Variants in ABCF1 observed in about 807,000 individuals in gnomAD.
The protein encoded by ABCF1 is ATP-binding cassette sub-family F member 1.
ABCF1 carries 73 observed loss-of-function variants against 126.3 expected under a neutral mutation model. That is an observed-to-expected ratio of 0.58 (90% CI 0.48 to 0.70). The LOEUF is 0.70. Among genes scored for constraint, ABCF1 ranks in the 30% least tolerant of loss-of-function variants. ABCF1 has a pLI of 0.00. For missense variants in ABCF1, 786 were observed against 1,057.5 expected, an observed-to-expected ratio of 0.74 and a Z score of 3.56; for synonymous variants, 345 against 396.4, an observed-to-expected ratio of 0.87 and a Z score of 1.54.
chr6:30,587,954 G>A (rs1802240438), intron 20 of ABCF1, among the ~76,000 whole-genome samples: 1 of 151,736 alleles, frequency 6.6e-6, no homozygotes, highest in Non-Finnish European at 1.5e-5. Flanking sequence ...CCAGCCTGGA[G>A]TGCAGTGGTG....
chr6:30,586,510 T>G lies in ABCF1; in HGVS notation c.1922T>G (p.Phe641Cys). The change falls in exon 19 of 25, where the codon TTT (phenylalanine) becomes TGT (cysteine). Residue 641 changes from phenylalanine (F) to cysteine (C), a missense_variant. Phe to Cys is a radical substitution (Grantham distance 205). Coordinates refer to ENST00000326195, the MANE Select transcript of ABCF1 (RefSeq NM_001025091.2). This position sits in a 1 kb window ranked among gnomAD's most constrained non-coding sequence, Gnocchi z 4.9. ...TFGYQGQKPLFKNLDFGIDMD... is the reference protein window; with the variant it reads ...TFGYQGQKPLCKNLDFGIDMD... ...GGCTACCAGGGACAGAAACCACTCT[T>G]TAAGAACTTGGATTTTGGCATCGAC... is the stretch of plus-strand genomic sequence containing the variant. 6.2e-7 allele frequency: 1 copy of G among 1,613,406 alleles called. No homozygotes were observed.
In ABCF1 at chr6:30,584,478, C is replaced by A; in HGVS notation, c.1303C>A (p.Leu435Met). The A allele has an allele frequency of 6.2e-7, 1 of 1,613,080 alleles. No individual in the cohort carries two copies. Residue 435 changes from leucine (L) to methionine (M), a missense_variant, in exon 14 of 25, where the codon CTG becomes ATG. By Grantham distance (15) the Leu-to-Met change is conservative. Transcript: ENST00000326195. This position sits in a 1 kb window ranked among gnomAD's most constrained non-coding sequence, Gnocchi z 4.6. ...TGCAGAGGCCAAAGCACGGCGGATCCTGGCTGGCCTGGGCTTTGACCCTGA... is the reference window on the plus strand; with the variant it reads ...TGCAGAGGCCAAAGCACGGCGGATCATGGCTGGCCTGGGCTTTGACCCTGA... ...AAAEAKARRILAGLGFDPEMQ... is the reference protein window; with the variant it reads ...AAAEAKARRIMAGLGFDPEMQ...
Position 30,584,514 on chromosome 6 carries a change from C to G in ABCF1, c.1339C>G (p.Arg447Gly). Residue 447 changes from arginine (R) to glycine (G), a missense_variant, in exon 14 of 25, where the codon CGA becomes GGA. Arg to Gly is a moderately radical substitution (Grantham distance 125, BLOSUM62 -2). Around this residue, in one of 4 missense-constraint regions of ABCF1, gnomAD observed 163 missense variants for 255.3 expected, o/e 0.64. Coordinates refer to ENST00000326195, the MANE Select transcript of ABCF1 (RefSeq NM_001025091.2). This position sits in a 1 kb window ranked among gnomAD's most constrained non-coding sequence, Gnocchi z 4.6. Reference protein sequence around the residue: ...GLGFDPEMQNRPTQKFSGGWR... With the variant: ...GLGFDPEMQNGPTQKFSGGWR... Reference sequence around the variant, plus strand: ...GGGCTTTGACCCTGAAATGCAGAATCGACCCACACAGAAGTTCTCAGGGGG... The same window carrying G: ...GGGCTTTGACCCTGAAATGCAGAATGGACCCACACAGAAGTTCTCAGGGGG... The G allele has an allele frequency of 6.2e-7, 1 of 1,612,780 alleles. No homozygotes were observed.
Position 30,578,132 on chromosome 6 carries a change from T to A in ABCF1, c.273T>A (p.Asp91Glu), listed in dbSNP as rs1415367005. The part of the protein sequence containing the change: ...KGRRKKDVDD[D>E]GEEKELMERL... Reference sequence around the variant, plus strand: ...GGCGGAAGAAGGATGTGGATGATGATGGAGAAGAGAAAGAGCTCATGGAGC... The same window carrying A: ...GGCGGAAGAAGGATGTGGATGATGAAGGAGAAGAGAAAGAGCTCATGGAGC... The change falls in exon 4 of 25, where the codon GAT (aspartate) becomes GAA (glutamate). Residue 91 changes from aspartate to glutamate, a missense_variant. Around this residue, in one of 4 missense-constraint regions of ABCF1, gnomAD observed 322 missense variants for 322.9 expected, o/e 1.00. Coordinates refer to ENST00000326195, the MANE Select transcript of ABCF1 (RefSeq NM_001025091.2). The A allele has an allele frequency of 5.0e-6, 8 of 1,613,492 alleles. No individual in the cohort carries two copies. In the Admixed American group the frequency reaches 1.0e-4, roughly 20 times the overall value.
Position 30,571,536 on chromosome 6 carries a change from G to A in ABCF1, c.49G>A (p.Asp17Asn), listed in dbSNP as rs919986137. ...QQPPEPEWIG[D>N]GESTSPSDKV... Reference sequence around the variant, plus strand: ...GCCGCCGGAGCCCGAGTGGATCGGGGACGGAGAGAGCACGAGCCCATCAGG... The same window carrying A: ...GCCGCCGGAGCCCGAGTGGATCGGGAACGGAGAGAGCACGAGCCCATCAGG... Residue 17 changes from aspartate (D) to asparagine (N), a missense_variant, in exon 1 of 25, where the codon GAC (aspartate) becomes AAC (asparagine). By Grantham distance (23) the Asp-to-Asn change is conservative. Transcript: ENST00000326195. 3.1e-6 allele frequency: 5 copies of A among 1,610,764 alleles called. No individual in the cohort carries two copies. Among genetic ancestry groups the A allele is most frequent in the Non-Finnish European group, 4.2e-6 (5 of 1,179,618 alleles).
intron 8 of ABCF1, 81 bp from the exon 9 acceptor site, chr6:30,582,313 C>T (rs1801860884): frequency 1.2e-6 from 1 of 841,014 alleles, no homozygotes; most frequent in Non-Finnish European, 1.9e-6. Flanking sequence ...GCTTTGGCTT[C>T]CCAAAGTGCT....
chr6:30,585,651 C>T lies in ABCF1; in HGVS notation c.1569C>T (p.Ala523=), dbSNP rs1336467621. 3 of 1,613,000 alleles carry T rather than the reference C, an allele frequency of 1.9e-6. No homozygotes were observed. The highest frequency in any genetic ancestry group is 2.5e-6 in the Non-Finnish European group (3 of 1,180,012). Residue 523 remains alanine (A), a synonymous_variant, in exon 16 of 25, where the codon GCC becomes GCT. Transcript: ENST00000326195. ...GCACTGATATCATCCACCTCGATGC[C>T]CAGCGGCTCCACTACTATAGGGGCA... The part of the protein sequence containing the change: ...DVCTDIIHLD[A]QRLHYYRGNY...
Position 30,585,243 on chromosome 6 carries a change from T to G in ABCF1, c.1392-17T>G. The G allele has an allele frequency of 6.2e-7, 1 of 1,610,756 alleles. No homozygotes were observed. The highest frequency in any genetic ancestry group is 8.5e-7 in the Non-Finnish European group (1 of 1,177,702). On this transcript the variant is annotated splice_polypyrimidine_tract_variant and intron_variant, in intron 14 of 24. Coordinates refer to ENST00000326195, the MANE Select transcript of ABCF1 (RefSeq NM_001025091.2). ...TCTTTCTCTCCCTGACCCTGCCCTCTGCTACCCACCCTCTAGGGCACTGTT... is the reference window on the plus strand; with the variant it reads ...TCTTTCTCTCCCTGACCCTGCCCTCGGCTACCCACCCTCTAGGGCACTGTT...
At position 30,584,591 on chromosome 6, in the gene ABCF1, CCCTT is replaced by C; in HGVS notation, c.1391+28_1391+31del. 6.4e-7 allele frequency: 1 copy of C among 1,565,000 alleles called. No individual in the cohort carries two copies. The highest frequency in any genetic ancestry group is 8.6e-7 in the Non-Finnish European group (1 of 1,157,764). On this transcript the variant is annotated intron_variant, in intron 14 of 24. Coordinates refer to ENST00000326195, the MANE Select transcript of ABCF1 (RefSeq NM_001025091.2). This position sits in a 1 kb window ranked among gnomAD's most constrained non-coding sequence, Gnocchi z 4.6. ...GGTGGGCCATTCACCTCACTGCCCT[CCCTT>C]CCAGCCTCAGACCACCGGGGCCCTT...
rs1378491100 is a variant in ABCF1, at chr6:30,585,453, A to G, written c.1476-105A>G. 3.2e-6 allele frequency: 5 copies of G among 1,581,638 alleles called. No homozygotes were observed. The East Asian group carries it at 9.0e-5, about 28-fold the overall frequency. Reference sequence around the variant, plus strand: ...CCACTGTGCCTGTGAGTGGAGCTCTATTCAGACCCCCCTTTCCCTCCCAGC... The same window carrying G: ...CCACTGTGCCTGTGAGTGGAGCTCTGTTCAGACCCCCCTTTCCCTCCCAGC... On this transcript the variant is annotated intron_variant, in intron 15 of 24. Transcript: ENST00000326195.
chr6:30,589,531 A>C, intron 20 of ABCF1, 157 bp from the exon 21 acceptor site: 1 of 774,814 alleles, frequency 1.3e-6, no homozygotes, highest in Non-Finnish European at 2.0e-6. Flanking sequence ...TGAACCCGGA[A>C]GGTGGAGGTT....
In ABCF1 at chr6:30,585,982, C is replaced by T; in HGVS notation, c.1704C>T (p.Thr568=). 6.2e-7 allele frequency: 1 copy of T among 1,609,330 alleles called. No homozygotes were observed. The highest frequency in any genetic ancestry group is 8.5e-7 in the Non-Finnish European group (1 of 1,177,534). ...LKELKAGGKS[T]KQAEKQTKEA... ...AGCTGAAGGCAGGCGGGAAGTCCAC[C>T]AAGCAGGCGGTGAGCACCTGAGGGA... is the stretch of plus-strand genomic sequence containing the variant. Residue 568 remains threonine, a synonymous_variant, in exon 17 of 25, where the codon ACC becomes ACT. Transcript: ENST00000326195.
chr6:30,583,023 T>C lies in ABCF1; in HGVS notation c.793-43T>C. On this transcript the variant is annotated intron_variant, in intron 9 of 24. Transcript: ENST00000326195. The surrounding 1 kb of genome is among the most constrained non-coding windows in gnomAD (Gnocchi z 4.1). The stretch of plus-strand genomic sequence containing the variant: ...GGGCTGTTTCATGGTGATGGGAAAC[T>C]GGTAGACTGTGGCTTCAAATGTAGT... 2 of 1,586,904 alleles carry C rather than the reference T, an allele frequency of 1.3e-6. No individual in the cohort carries two copies. The highest frequency in any genetic ancestry group is 1.7e-6 in the Non-Finnish European group (2 of 1,160,404).
In ABCF1 at chr6:30,590,220, G is replaced by A. The variant is rs1362910500; in HGVS notation, c.2298+7G>A. ...ACCTGATGTCCTCATCTTGGTGAGT[G>A]AGCTGGGCTGTGGGAAAAGGGATAA... On this transcript the variant is annotated splice_region_variant and intron_variant, in intron 23 of 24. Transcript: ENST00000326195. 1 of 1,612,942 alleles carries A rather than the reference G, an allele frequency of 6.2e-7. No homozygotes were observed. The highest frequency in any genetic ancestry group is 8.5e-7 in the Non-Finnish European group (1 of 1,180,016).
Position 30,583,012 on chromosome 6 carries a change from T to A in ABCF1, c.793-54T>A. The stretch of plus-strand genomic sequence containing the variant: ...CCAGCCAGCATGGGCTGTTTCATGG[T>A]GATGGGAAACTGGTAGACTGTGGCT... On this transcript the variant is annotated intron_variant, in intron 9 of 24. Coordinates refer to ENST00000326195, the MANE Select transcript of ABCF1 (RefSeq NM_001025091.2). The surrounding 1 kb of genome is among the most constrained non-coding windows in gnomAD (Gnocchi z 4.1). 1 of 1,575,844 alleles carries A rather than the reference T, an allele frequency of 6.3e-7. No homozygotes were observed. The highest frequency in any genetic ancestry group is 8.7e-7 in the Non-Finnish European group (1 of 1,153,974).
rs1801873332 is a variant in ABCF1, at chr6:30,582,450, G to A, written c.735G>A (p.Lys245=). ...AGGAGGAGGAAGGAGGAGAGTCTAA[G>A]GCAGATGATCCCTATGCTCATCTTA... is the stretch of plus-strand genomic sequence containing the variant. ...EEEEEEGGES[K]ADDPYAHLSK... The change falls in exon 9 of 25, where the codon AAG becomes AAA. Residue 245 remains lysine, a synonymous_variant. Coordinates refer to ENST00000326195, the MANE Select transcript of ABCF1 (RefSeq NM_001025091.2). The A allele has an allele frequency of 3.1e-6, 5 of 1,612,906 alleles. No homozygotes were observed. Among genetic ancestry groups the A allele is most frequent in the Non-Finnish European group, 4.2e-6 (5 of 1,179,920 alleles).
chr6:30,582,607 T>G, intron 9 of ABCF1, 100 bp downstream of exon 9: 3 of 1,218,654 alleles, frequency 2.5e-6, no homozygotes, highest in South Asian at 2.7e-5. Flanking sequence ...TGGGGGCTAC[T>G]CCAAGTAAAA....
intron 2 of ABCF1, 76 bp downstream of exon 2, chr6:30,577,531 T>G: frequency 2.6e-6 from 4 of 1,513,578 alleles, no homozygotes; most frequent in South Asian, 1.2e-5. Context: ...GTGAAGGAGG[T>G]GGGAGGTCCA....
In ABCF1 at chr6:30,577,536, G is replaced by A. The variant is rs1801567938; in HGVS notation, c.120+81G>A. 3 of 1,517,836 alleles carry A rather than the reference G, an allele frequency of 2.0e-6. No homozygotes were observed. In the Admixed American group the frequency reaches 5.8e-5, roughly 30 times the overall value. The allele number at this position is 1,517,836 out of a possible 1,614,324, so 94.0% of individuals were successfully genotyped here. Reference sequence around the variant, plus strand: ...AAATAGCCATGTGAAGGAGGTGGGAGGTCCAAGGGAGGAGAAAAGATCTTG... The same window carrying A: ...AAATAGCCATGTGAAGGAGGTGGGAAGTCCAAGGGAGGAGAAAAGATCTTG... On this transcript the variant is annotated intron_variant, in intron 2 of 24. Coordinates refer to ENST00000326195, the MANE Select transcript of ABCF1 (RefSeq NM_001025091.2).
Sources: gnomAD v4.1 joint callset for allele counts (sites outside exome capture counted in the v4.1 genomes callset) on GRCh38, gnomAD v4.1.1 for gene constraint, gnomAD v4.1.1 regional missense constraint, Gnocchi (gnomAD v3.1) non-coding constraint, MANE v1.5 for transcripts, NCBI Gene and HGNC (gene_info 2026-07-23, HGNC 2026-07-21) for gene names.